SAMD12: variants seen among roughly 807,000 people sequenced by gnomAD.
The protein encoded by SAMD12 is sterile alpha motif domain-containing protein 12.
Under a neutral mutation model 15.0 loss-of-function variants are expected in SAMD12, and 9 were observed. The ratio of observed to expected loss-of-function variants is 0.60; its 90% CI spans 0.36 to 1.05. The LOEUF (loss-of-function observed/expected upper bound fraction) is 1.05. Ranked by LOEUF, SAMD12 falls within the 50% of genes least tolerant of loss-of-function variation. SAMD12 has a pLI of 0.01. For missense variants in SAMD12, 230 were observed against 234.2 expected (o/e 0.98, Z 0.12); for synonymous variants, 86 against 90.1 (o/e 0.96, Z 0.25).
At chr8:118,383,651 A>G (rs1283643586) in intron 3 of SAMD12, among the ~76,000 whole-genome samples, 1 of 152,108 alleles carries the variant, frequency 6.6e-6, no homozygotes. Flanking sequence ...AAGAAGCACC[A>G]ACTGAATTGC....
At chr8:118,460,195 A>G (rs947657125) in intron 2 of SAMD12, among the ~76,000 whole-genome samples, 1 of 152,222 alleles carries the variant, frequency 6.6e-6, no homozygotes. Flanking sequence ...TATAATTCAC[A>G]TGGTCCTATA....
intron 4 of SAMD12, among the ~76,000 whole-genome samples, chr8:118,345,552 G>T (rs938818890): frequency 6.6e-6 from 1 of 152,164 alleles, no homozygotes; most frequent in Admixed American, 6.5e-5. Flanking sequence ...AGGTCAAAAA[G>T]GACAAAGATA....
At chr8:118,204,551 G>A (rs960979419) in intron 4 of SAMD12, among the ~76,000 whole-genome samples, 2 of 152,030 alleles carry the variant, frequency 1.3e-5, no homozygotes, top group South Asian at 2.1e-4. Flanking sequence ...TCAGAAGATC[G>A]ACACCATCCT....
exon 5 of SAMD12, chr8:118,197,286 A>G (rs1329990907): frequency 9.1e-6 from 2 of 218,634 alleles, no homozygotes; most frequent in Admixed American, 5.2e-5. Context: ...ACTTCCACTG[A>G]GATTGCAGAA....
intron 2 of SAMD12, among the ~76,000 whole-genome samples, chr8:118,561,181 T>G (rs1212595245): frequency 6.6e-6 from 1 of 152,174 alleles, no homozygotes; most frequent in Non-Finnish European, 1.5e-5. Flanking sequence ...ATGAACACAT[T>G]TAATGATTTA....
chr8:118,524,356 G>A (rs1277401033), intron 2 of SAMD12, among the ~76,000 whole-genome samples: 1 of 152,068 alleles, frequency 6.6e-6, no homozygotes, highest in Non-Finnish European at 1.5e-5. Context: ...TCTTGTTTTA[G>A]CATCTAGGAC....
At chr8:118,307,820 C>A (rs1201350933) in intron 4 of SAMD12, among the ~76,000 whole-genome samples, 1 of 145,180 alleles carries the variant, frequency 6.9e-6, no homozygotes, top group Non-Finnish European at 1.5e-5. Context: ...TGCTCTGCCT[C>A]TGGCTTTTGT....
the SAMD12 span, among the ~76,000 whole-genome samples, chr8:118,146,894 T>G: frequency 6.6e-6 from 1 of 152,196 alleles, no homozygotes; most frequent in South Asian, 2.1e-4. Flanking sequence ...AATCATAAAT[T>G]TGAAGATTTA....
chr8:118,517,639 G>A (rs1014801696), intron 2 of SAMD12, among the ~76,000 whole-genome samples: 7 of 152,192 alleles, frequency 4.6e-5, no homozygotes, highest in Admixed American at 4.6e-4. Flanking sequence ...CCATCAGGAG[G>A]ATGTGAACTG....
chr8:118,155,223 A>G, the SAMD12 span, among the ~76,000 whole-genome samples: 1 of 152,068 alleles, frequency 6.6e-6, no homozygotes, highest in African/African-American at 2.4e-5. Context: ...TCTTATTTCT[A>G]TTAAGTCCTG....
intron 3 of SAMD12, among the ~76,000 whole-genome samples, chr8:118,428,371 C>A: frequency 6.8e-6 from 1 of 147,956 alleles, no homozygotes; most frequent in South Asian, 2.1e-4. Flanking sequence ...TCAAGTCCAG[C>A]GTGGGCAACA....
chr8:118,559,434 A>G (rs1400426551), intron 2 of SAMD12, among the ~76,000 whole-genome samples: 1 of 152,212 alleles, frequency 6.6e-6, no homozygotes, highest in Non-Finnish European at 1.5e-5. Flanking sequence ...GCAGTCCCAC[A>G]TATCTACCTC....
chr8:118,611,850 C>T (rs1828120682), intron 1 of SAMD12, among the ~76,000 whole-genome samples: 1 of 152,174 alleles, frequency 6.6e-6, no homozygotes, highest in South Asian at 2.1e-4. Flanking sequence ...CCCAATATGT[C>T]AGCATCCAAA....
intron 1 of SAMD12, among the ~76,000 whole-genome samples, chr8:118,594,483 A>G (rs1475718971): frequency 6.6e-6 from 1 of 152,204 alleles, no homozygotes; most frequent in Non-Finnish European, 1.5e-5. Flanking sequence ...GAGTACTTCT[A>G]TGCAACTGAC....
chr8:118,524,308 A>C (rs779475022), intron 2 of SAMD12, among the ~76,000 whole-genome samples: 6 of 152,128 alleles, frequency 3.9e-5, no homozygotes, highest in Non-Finnish European at 8.8e-5. Context: ...ACAAAGCAAG[A>C]ACATTTGATT....
chr8:118,178,182 C>T, the SAMD12 span, among the ~76,000 whole-genome samples: 111 of 152,232 alleles, frequency 7.3e-4, no homozygotes, highest in East Asian at 1.9e-4. Flanking sequence ...AGTTAACAAG[C>T]GTAAGCCCCA....
At chr8:118,153,027 C>A in the SAMD12 span, among the ~76,000 whole-genome samples, 1 of 152,350 alleles carries the variant, frequency 6.6e-6, no homozygotes, top group Admixed American at 6.5e-5. Flanking sequence ...ATTCCTAACC[C>A]CTTGGCTGGC....
chr8:118,344,333 TCGTAGGCC>T (rs1817519684), intron 4 of SAMD12, among the ~76,000 whole-genome samples: 1 of 152,230 alleles, frequency 6.6e-6, no homozygotes, highest in Non-Finnish European at 1.5e-5. Context: ...AAGGCTTGTG[TCGTAGGCC>T]AACTTCGTAA....
chr8:118,444,621 T>C lies in SAMD12; in HGVS notation c.193-4660A>G, dbSNP rs115244925. 4.8e-3 allele frequency among the ~76,000 whole-genome samples: 731 copies of C among 152,264 alleles called. 3 individuals are homozygous for C. Among genetic ancestry groups the C allele is most frequent in the African/African-American group, 0.016 (684 of 41,562 alleles). ...TATGTTTTACAGTAATTCTGATTTG[T>C]ATTTAACTAGAAAGAACTCTGAAGC... On this transcript the variant is annotated intron_variant, in intron 2 of 3. Coordinates refer to ENST00000314727, the MANE Select transcript of SAMD12 (RefSeq NM_207506.3).
Sources: gnomAD v4.1 joint callset for allele counts (sites outside exome capture counted in the v4.1 genomes callset) on GRCh38, gnomAD v4.1.1 for gene constraint, MANE v1.5 for transcripts, NCBI Gene and HGNC (gene_info 2026-07-23, HGNC 2026-07-21) for gene names.